The following LONRF2 variants were observed in gnomAD, a reference collection of about 807,000 sequenced individuals.
LONRF2 encodes LON peptidase N-terminal domain and ring finger 2, also known as LON peptidase N-terminal domain and RING finger protein 2.
Under a neutral mutation model 66.6 loss-of-function variants are expected in LONRF2, and 35 were observed. That is an observed-to-expected ratio of 0.53 (90% CI 0.40 to 0.70). The LOEUF (loss-of-function observed/expected upper bound fraction) is 0.70. LONRF2 is among the 30% of genes least tolerant of loss of function. LONRF2 has a pLI of 0.00. For synonymous variants in LONRF2, 417 were observed against 418.1 expected (o/e 1.00, Z 0.03); for missense variants, 902 against 1,002.1 (o/e 0.90, Z 1.35).
Position 100,302,682 on chromosome 2 carries a change from C to T in LONRF2, c.921+239G>A, listed in dbSNP as rs980501214. The stretch of plus-strand genomic sequence containing the variant: ...ACATGTGTCTTTATGTCAACAGAAT[C>T]GAGGCATGTTTACACTGTCTCATGA... On this transcript the variant is annotated intron_variant, in intron 3 of 11. Transcript: ENST00000393437. 2.6e-5 allele frequency among the ~76,000 whole-genome samples: 4 copies of T among 152,132 alleles called. No individual in the cohort carries two copies. In the East Asian group the frequency reaches 5.8e-4, roughly 22 times the overall value.
chr2:100,273,196 A>T lies in LONRF2; in HGVS notation c.*11102T>A, dbSNP rs1296908346. On this transcript the variant is annotated 3_prime_UTR_variant, in exon 12 of 12. Coordinates refer to ENST00000393437, the MANE Select transcript of LONRF2 (RefSeq NM_198461.4). ...GCCGAGGTCGGCCAGCAGCCACACC[A>T]GCTGGAGGAGATGAAGGAGGAGTTT... is the stretch of plus-strand genomic sequence containing the variant. 6.6e-6 allele frequency: 1 copy of T among 152,272 alleles called. No individual in the cohort carries two copies. Among genetic ancestry groups the T allele is most frequent in the Non-Finnish European group, 1.5e-5 (1 of 68,046 alleles). 9.4% of individuals were successfully genotyped at this position (152,272 alleles called of 1,614,324 possible). A position where few individuals can be genotyped will look rare whatever the true frequency, so the allele number is the denominator to read the frequency against.
In LONRF2 at chr2:100,279,674, A is replaced by G. The variant is rs573164440; in HGVS notation, c.*4624T>C. 4 of 152,250 alleles carry G rather than the reference A, an allele frequency of 2.6e-5. No individual in the cohort carries two copies. The highest frequency in any genetic ancestry group is 7.2e-5 in the African/African-American group (3 of 41,540). 9.4% of individuals were successfully genotyped at this position (152,250 alleles called of 1,614,324 possible). On this transcript the variant is annotated 3_prime_UTR_variant, in exon 12 of 12. Coordinates refer to ENST00000393437, the MANE Select transcript of LONRF2 (RefSeq NM_198461.4). ...ACAGCAAAGGGCTACCCTGGGAGCA[A>G]AGTGACCAATCCAGAGCCCATCCTC...
At chr2:100,286,284 G>A (rs766985451) in intron 11 of LONRF2, among the ~76,000 whole-genome samples, 2 of 152,108 alleles carry the variant, frequency 1.3e-5, no homozygotes, top group Non-Finnish European at 2.9e-5. Context: ...CAGGTGGGAG[G>A]TATACACTCT....
chr2:100,302,584 C>T lies in LONRF2; in HGVS notation c.921+337G>A, dbSNP rs1008077888. On this transcript the variant is annotated intron_variant, in intron 3 of 11. Coordinates refer to ENST00000393437, the MANE Select transcript of LONRF2 (RefSeq NM_198461.4). ...AAAATTACAGGTCACCCTATAGAGC[C>T]GAATTGATACATTTTACATATATCA... Among the ~76,000 whole-genome samples the T allele has an allele frequency of 2.0e-4, 30 of 152,224 alleles. 1 individual carries two copies. The highest frequency in any genetic ancestry group is 1.2e-3 in the East Asian group (6 of 5,178).
At position 100,322,310 on chromosome 2, in the gene LONRF2, G is replaced by A; in HGVS notation, c.-217C>T. 2 of 364,952 alleles carry A rather than the reference G, an allele frequency of 5.5e-6. No homozygotes were observed. Among genetic ancestry groups the A allele is most frequent in the Non-Finnish European group, 9.3e-6 (2 of 215,892 alleles). The allele number at this position is 364,952 out of a possible 1,614,324, so 22.6% of individuals were successfully genotyped here. Reference sequence around the variant, plus strand: ...CGCGGTGTGGGCGGCGAGCCCCGCAGGGCTGCAATCGTTCCGGGGTGGGGG... The same window carrying A: ...CGCGGTGTGGGCGGCGAGCCCCGCAAGGCTGCAATCGTTCCGGGGTGGGGG... On this transcript the variant is annotated 5_prime_UTR_variant, in exon 1 of 12. Coordinates refer to ENST00000393437, the MANE Select transcript of LONRF2 (RefSeq NM_198461.4).
At chr2:100,304,576 T>C (rs1040497107) in intron 2 of LONRF2, among the ~76,000 whole-genome samples, 1 of 151,796 alleles carries the variant, frequency 6.6e-6, no homozygotes, top group Non-Finnish European at 1.5e-5. Context: ...AAAGTCTCTT[T>C]GTGGAAAATA....
chr2:100,299,701 A>G lies in LONRF2; in HGVS notation c.1267+16T>C. 6.2e-7 allele frequency: 1 copy of G among 1,609,634 alleles called. No homozygotes were observed. Among genetic ancestry groups the G allele is most frequent in the East Asian group, 2.2e-5 (1 of 44,850 alleles). On this transcript the variant is annotated intron_variant, in intron 5 of 11. Transcript: ENST00000393437. ...TTTGGAGTCACAGAACTGCCTGATG[A>G]AAACAGTTCACTGACCTTTCTTGGG...
chr2:100,304,625 GTT>G (rs3039612), intron 2 of LONRF2, among the ~76,000 whole-genome samples: 3 of 122,014 alleles, frequency 2.5e-5, no homozygotes, highest in Non-Finnish European at 3.3e-5. Flanking sequence ...TTAGTTGACT[GTT>G]TTTTTTTTTT....
chr2:100,312,811 G>A (rs1675433932), intron 1 of LONRF2, among the ~76,000 whole-genome samples: 1 of 152,144 alleles, frequency 6.6e-6, no homozygotes, highest in Non-Finnish European at 1.5e-5. Flanking sequence ...ATTTTCTAAG[G>A]ATTAAACCTT....
Position 100,322,003 on chromosome 2 carries a change from C to T in LONRF2, c.91G>A (p.Asp31Asn). 1 of 1,454,830 alleles carries T rather than the reference C, an allele frequency of 6.9e-7. No homozygotes were observed. Among genetic ancestry groups the T allele is most frequent in the Non-Finnish European group, 9.1e-7 (1 of 1,104,646 alleles). The allele number at this position is 1,454,830 out of a possible 1,614,324, so 90.1% of individuals were successfully genotyped here. ...TAGTCGCCCGCGCGGAAGGCCTCGT[C>T]GCCCTCCTCTAAGCGCTGGGCGATC... is the stretch of plus-strand genomic sequence containing the variant. The part of the protein sequence containing the change: ...EPIAQRLEEG[D>N]EAFRAGDYEM... Residue 31 changes from aspartate (D) to asparagine (N), a missense_variant, in exon 1 of 12, where the codon GAC becomes AAC. Physicochemically the swap from Asp to Asn is conservative, Grantham distance 23 (BLOSUM62 1). This residue lies in a region of LONRF2 where 585 missense variants were observed against 569.9 expected (regional missense o/e 1.03). Transcript: ENST00000393437.
chr2:100,322,455 G>C lies in LONRF2; in HGVS notation c.-362C>G, dbSNP rs11895772. The C allele has an allele frequency of 0.39, 69,704 of 177,136 alleles. 15,305 individuals are homozygous for C. Among genetic ancestry groups the C allele is most frequent in the East Asian group, 0.76 (5,157 of 6,778 alleles). The allele number at this position is 177,136 out of a possible 1,614,324, so 11.0% of individuals were successfully genotyped here. The stretch of plus-strand genomic sequence containing the variant: ...CGCAGTGACCGCGCTCCAGGTCCGC[G>C]TCTCTTGCGATGCTTCCCCCACTCG... On this transcript the variant is annotated 5_prime_UTR_variant, in exon 1 of 12. Coordinates refer to ENST00000393437, the MANE Select transcript of LONRF2 (RefSeq NM_198461.4).
intron 2 of LONRF2, among the ~76,000 whole-genome samples, chr2:100,307,048 G>A (rs1299351506): frequency 6.6e-6 from 1 of 151,590 alleles, no homozygotes; most frequent in Non-Finnish European, 1.5e-5. Flanking sequence ...CGCCTCCCGA[G>A]TAGCTGGGAC....
At chr2:100,319,068 T>C (rs1163585286) in intron 1 of LONRF2, among the ~76,000 whole-genome samples, 1 of 150,910 alleles carries the variant, frequency 6.6e-6, no homozygotes, top group East Asian at 1.9e-4. Context: ...AGTCGGAGGT[T>C]GTAGAGCCAC....
rs1675022538 is a variant in LONRF2, at chr2:100,294,358, C to T, written c.1628G>A (p.Cys543Tyr). The T allele has an allele frequency of 6.3e-7, 1 of 1,598,050 alleles. No homozygotes were observed. The highest frequency in any genetic ancestry group is 8.5e-7 in the Non-Finnish European group (1 of 1,174,404). ...NLTRDVPIFV[C>Y]AMAFPTVPCP... ...TGGGACCGTGGGGAAGGCCATGGCA[C>T]ACACAAAGATGGGGACGTCTCTGGT... Residue 543 changes from cysteine to tyrosine, a missense_variant, in exon 9 of 12, where the codon TGT (cysteine) becomes TAT (tyrosine). Coordinates refer to ENST00000393437, the MANE Select transcript of LONRF2 (RefSeq NM_198461.4).
rs1674697470 is a variant in LONRF2, at chr2:100,280,672, T to G, written c.*3626A>C. ...GGCGCGTGCCTGTAATCCCAGCTACTCAGGGGGCCAAGGCAAGAGAATCAC... is the reference window on the plus strand; with the variant it reads ...GGCGCGTGCCTGTAATCCCAGCTACGCAGGGGGCCAAGGCAAGAGAATCAC... On this transcript the variant is annotated 3_prime_UTR_variant, in exon 12 of 12. Coordinates refer to ENST00000393437, the MANE Select transcript of LONRF2 (RefSeq NM_198461.4). The G allele has an allele frequency of 6.6e-6, 1 of 151,860 alleles. No homozygotes were observed. Among genetic ancestry groups the G allele is most frequent in the South Asian group, 2.1e-4 (1 of 4,814 alleles). 9.4% of individuals were successfully genotyped at this position (151,860 alleles called of 1,614,324 possible).
rs372123917 is a variant in LONRF2 at position 100,272,563 on chromosome 2, G to GAA, written c.*11733_*11734dup. Among the ~76,000 whole-genome samples the GAA allele has an allele frequency of 5.9e-3, 873 of 149,128 alleles. 11 individuals carry two copies. Among genetic ancestry groups the GAA allele is most frequent in the African/African-American group, 0.02 (825 of 40,660 alleles). On this transcript the variant is annotated 3_prime_UTR_variant, in exon 12 of 12. Transcript: ENST00000393437. Reference sequence around the variant, plus strand: ...ACCAGAGTATGTAGGTTAAAAAAAAGAAAAAAAAAGATGGGAAAGGTATCA... The same window carrying GAA: ...ACCAGAGTATGTAGGTTAAAAAAAAGAAAAAAAAAAAGATGGGAAAGGTATCA...
intron 4 of LONRF2, 34 bp downstream of exon 4, chr2:100,300,610 C>A: frequency 6.3e-7 from 1 of 1,576,230 alleles, no homozygotes. Context: ...AAAGCTTAAT[C>A]AAGAGAATCC....
Position 100,295,437 on chromosome 2 carries a change from C to T in LONRF2, c.1593G>A (p.Leu531=). ...CACACAACATGAGCACTTACTTTGA[C>T]AGTTCTGACATTTCTTCATCATAAA... ...KRIYDEEMSE[L]SNLTRDVPIF... The change falls in exon 8 of 12, where the codon CTG becomes CTA. Residue 531 remains leucine (L), a synonymous_variant. Transcript: ENST00000393437. The T allele has an allele frequency of 6.2e-7, 1 of 1,613,208 alleles. No homozygotes were observed. The highest frequency in any genetic ancestry group is 8.5e-7 in the Non-Finnish European group (1 of 1,179,684).
chr2:100,284,599 C>T, intron 11 of LONRF2, 107 bp from the exon 12 acceptor site: 1 of 900,290 alleles, frequency 1.1e-6, no homozygotes. Flanking sequence ...AATTAAATGC[C>T]ACCTTGTATT....
Sources: allele counts gnomAD v4.1 joint callset (sites outside exome capture counted in the v4.1 genomes callset), GRCh38; gene constraint gnomAD v4.1.1; regional missense constraint gnomAD v4.1.1; transcripts MANE v1.5; gene names NCBI Gene and HGNC (gene_info 2026-07-23, HGNC 2026-07-21).